CPXM2: variants seen among roughly 807,000 people sequenced by gnomAD.
The protein encoded by CPXM2 is inactive carboxypeptidase-like protein X2.
CPXM2 carries 66 observed loss-of-function variants against 86.1 expected under a neutral mutation model. The observed-to-expected ratio is 0.77, with a 90% CI of 0.63 to 0.94. The LOEUF (loss-of-function observed/expected upper bound fraction) is 0.94, where lower values mean the gene tolerates loss of function less well. CPXM2 is among the 40% of genes least tolerant of loss of function. The pLI, the probability that CPXM2 is intolerant of heterozygous loss-of-function variation, is 0.00. For missense variants in CPXM2, 948 were observed against 1,026.3 expected (o/e 0.92, Z 1.04); for synonymous variants, 388 against 400.2 (o/e 0.97, Z 0.36).
rs1411226110 is a variant in CPXM2, at chr10:123,880,318, G to GGA, written c.305-11_305-10dup. The stretch of plus-strand genomic sequence containing the variant: ...TTTGTTGCTGTGTTTACCTAAAGGG[G>GGA]GAGAGAGAGATGCCTTTACTTTCAC... On this transcript the variant is annotated splice_polypyrimidine_tract_variant and intron_variant, in intron 1 of 13. Transcript: ENST00000241305. 3 of 1,270,596 alleles carry GGA rather than the reference G, an allele frequency of 2.4e-6. No individual in the cohort carries two copies. The highest frequency in any genetic ancestry group is 2.3e-5 in the East Asian group (1 of 43,256). 78.7% of individuals were successfully genotyped at this position (1,270,596 alleles called of 1,614,324 possible).
chr10:123,766,861 G>T, intron 10 of CPXM2, 112 bp downstream of exon 10: 2 of 846,858 alleles, frequency 2.4e-6, no homozygotes, highest in Admixed American at 2.2e-5. Flanking sequence ...GAGAAAACAT[G>T]AAAGAAAAAA....
At chr10:123,912,848 A>G (rs771015559) in intron 2 of CPXM2, among the ~76,000 whole-genome samples, 8 of 152,246 alleles carry the variant, frequency 5.3e-5, no homozygotes, top group Non-Finnish European at 7.3e-5. Context: ...AACAGGTTCA[A>G]CTACTTTGTT....
intron 4 of CPXM2, among the ~76,000 whole-genome samples, chr10:123,822,611 G>A (rs1402659654): frequency 6.6e-6 from 1 of 151,954 alleles, no homozygotes; most frequent in Non-Finnish European, 1.5e-5. Flanking sequence ...GAGTCAAGAT[G>A]AACTAACTAG....
rs747723133 is a variant in CPXM2 at position 123,780,172 on chromosome 10, G to A, written c.973C>T (p.Arg325Cys). The change falls in exon 7 of 14, where the codon CGC (arginine) becomes TGC (cysteine). Residue 325 changes from arginine to cysteine, a missense_variant. Coordinates refer to ENST00000241305, the MANE Select transcript of CPXM2 (RefSeq NM_198148.3). ...DFKHHNYKEM[R>C]QLMKVVNEMC... is the part of the protein sequence containing the mutation. The stretch of plus-strand genomic sequence containing the variant: ...CTTTGTGATCTGGGTCTTACCTGGC[G>A]CATTTCCTTATAATTGTGGTGCTTA... 16 of 1,594,394 alleles carry A rather than the reference G, an allele frequency of 1.0e-5. No homozygotes were observed. Among genetic ancestry groups the A allele is most frequent in the Admixed American group, 3.3e-5 (2 of 59,974 alleles).
rs960705670 is a variant in CPXM2 at position 123,757,358 on chromosome 10, A to C, written c.1778-6T>G. 12 of 1,612,070 alleles carry C rather than the reference A, an allele frequency of 7.4e-6. No individual in the cohort carries two copies. Among genetic ancestry groups the C allele is most frequent in the Non-Finnish European group, 1.0e-5 (12 of 1,178,270 alleles). On this transcript the variant is annotated splice_polypyrimidine_tract_variant and splice_region_variant and intron_variant, in intron 11 of 13. Coordinates refer to ENST00000241305, the MANE Select transcript of CPXM2 (RefSeq NM_198148.3). ...GTAGCTGAAATCGTTCAGACCTGCC[A>C]AGCCAACCGGACAACACTTTAACTG...
At chr10:123,816,902 C>T (rs774344624) in intron 4 of CPXM2, among the ~76,000 whole-genome samples, 6 of 152,198 alleles carry the variant, frequency 3.9e-5, no homozygotes, top group East Asian at 1.9e-4. Flanking sequence ...GTGAGCAAGA[C>T]GTAGCAAACA....
chr10:123,885,063 C>G lies in CPXM2; in HGVS notation c.305-4754G>C, dbSNP rs1322611258. ...TCTCATCTTAGATTCCACCTGGAAA[C>G]AGCCTGAGACAAGAAGGCTTTGGGC... On this transcript the variant is annotated intron_variant, in intron 1 of 13. Coordinates refer to ENST00000241305, the MANE Select transcript of CPXM2 (RefSeq NM_198148.3). This position sits in a 1 kb window ranked among gnomAD's most constrained non-coding sequence, Gnocchi z 4.0. Among the ~76,000 whole-genome samples the G allele has an allele frequency of 6.6e-6, 1 of 152,240 alleles. No homozygotes were observed. The highest frequency in any genetic ancestry group is 2.4e-5 in the African/African-American group (1 of 41,456).
chr10:123,813,923 T>G lies in CPXM2; in HGVS notation c.654-14724A>C, dbSNP rs375070657. 5.0e-4 allele frequency among the ~76,000 whole-genome samples: 76 copies of G among 152,350 alleles called. 1 individual carries two copies. In the South Asian group the frequency reaches 0.014, roughly 27 times the overall value. On this transcript the variant is annotated intron_variant, in intron 4 of 13. Transcript: ENST00000241305. ...GCAGATGTGTTGTGCAGCATGACTGTGTACCTTGGCCACAGTGGAATACCT... is the reference window on the plus strand; with the variant it reads ...GCAGATGTGTTGTGCAGCATGACTGGGTACCTTGGCCACAGTGGAATACCT...
intron 2 of CPXM2, among the ~76,000 whole-genome samples, chr10:123,933,115 A>G (rs1246258583): frequency 6.6e-6 from 1 of 152,188 alleles, no homozygotes; most frequent in Non-Finnish European, 1.5e-5. Flanking sequence ...GCGATTTTGG[A>G]AACCAAGCAT....
intron 4 of CPXM2, among the ~76,000 whole-genome samples, chr10:123,814,330 G>T (rs1847764521): frequency 6.6e-6 from 1 of 152,128 alleles, no homozygotes; most frequent in African/African-American, 2.4e-5. Flanking sequence ...GACTGGCCTA[G>T]CCTCCCAGCC....
intron 8 of CPXM2, chr10:123,769,574 C>G (rs1386395458): frequency 6.6e-6 from 1 of 152,012 alleles, no homozygotes; most frequent in African/African-American, 2.4e-5. Flanking sequence ...GGAATGAGAC[C>G]CTGTCTCAAA....
At chr10:123,917,060 C>A (rs1449358738) in intron 2 of CPXM2, among the ~76,000 whole-genome samples, 1 of 152,050 alleles carries the variant, frequency 6.6e-6, no homozygotes, top group African/African-American at 2.4e-5. Context: ...GGAGGGAAGG[C>A]CGGACCTAGT....
chr10:123,845,846 CAAAG>C (rs1380763344), intron 3 of CPXM2, among the ~76,000 whole-genome samples: 1 of 151,948 alleles, frequency 6.6e-6, no homozygotes, highest in Non-Finnish European at 1.5e-5. Flanking sequence ...GGAACACACA[CAAAG>C]AAAGAAAGAG....
intron 2 of CPXM2, among the ~76,000 whole-genome samples, chr10:123,934,418 TC>T (rs1380855818): frequency 1.3e-5 from 2 of 151,148 alleles, no homozygotes; most frequent in African/African-American, 4.9e-5. Flanking sequence ...ATCTCGCCAA[TC>T]CCTGCCTCTG....
intron 6 of CPXM2, among the ~76,000 whole-genome samples, chr10:123,781,505 G>C (rs766876147): frequency 2.0e-5 from 3 of 152,170 alleles, no homozygotes; most frequent in Non-Finnish European, 2.9e-5. Context: ...TTTCTGCTCA[G>C]TGTTCAGCGC....
chr10:123,929,245 G>A (rs543106426), intron 2 of CPXM2, among the ~76,000 whole-genome samples: 5 of 152,236 alleles, frequency 3.3e-5, no homozygotes, highest in Non-Finnish European at 7.3e-5. Context: ...ATGGGCTGGG[G>A]CACTGGCAGA....
intron 3 of CPXM2, among the ~76,000 whole-genome samples, chr10:123,843,894 T>A (rs1330759446): frequency 6.6e-6 from 1 of 152,224 alleles, no homozygotes; most frequent in Non-Finnish European, 1.5e-5. Context: ...TGGAAGGAAC[T>A]GTCCATCAAA....
chr10:123,912,766 C>G (rs925606449), intron 2 of CPXM2, among the ~76,000 whole-genome samples: 1 of 152,216 alleles, frequency 6.6e-6, no homozygotes, highest in Non-Finnish European at 1.5e-5. Context: ...ATTCTCACAA[C>G]CTGTTAATTT....
At chr10:123,898,484 T>G (rs1039925861) in intron 2 of CPXM2, among the ~76,000 whole-genome samples, 2 of 152,050 alleles carry the variant, frequency 1.3e-5, no homozygotes, top group African/African-American at 4.8e-5. Context: ...TATATATCTT[T>G]TTAATTAGCC....
Sources: gnomAD v4.1 joint callset for allele counts (sites outside exome capture counted in the v4.1 genomes callset) on GRCh38, gnomAD v4.1.1 for gene constraint, Gnocchi (gnomAD v3.1) non-coding constraint, MANE v1.5 for transcripts, NCBI Gene and HGNC (gene_info 2026-07-23, HGNC 2026-07-21) for gene names.